Variants in FBXL7 observed in about 807,000 individuals in gnomAD.
The protein encoded by FBXL7 is F-box/LRR-repeat protein 7.
A neutral mutation model predicts 38.3 loss-of-function variants in FBXL7; 12 were observed. The observed-to-expected ratio is 0.31, with a 90% CI of 0.20 to 0.51. FBXL7 has a LOEUF of 0.51. FBXL7 is among the 20% of genes least tolerant of loss of function. The pLI is 0.98. For synonymous variants in FBXL7, 297 were observed against 300.9 expected (o/e 0.99, Z 0.13); for missense variants, 567 against 676.4 (o/e 0.84, Z 1.79).
rs183346928 is a variant in FBXL7 at position 15,703,531 on chromosome 5, G to A, written c.127+87459G>A. ...TGACAGTTATTGCTTCACTTTTTGT[G>A]CATGCATAAAACAACTTGGATCTGA... On this transcript the variant is annotated intron_variant, in intron 2 of 3. Transcript: ENST00000504595. Among the ~76,000 whole-genome samples the A allele has an allele frequency of 7.9e-3, 1,199 of 152,224 alleles. 9 individuals are homozygous for A. The highest frequency in any genetic ancestry group is 0.012 in the Non-Finnish European group (844 of 67,998).
intron 2 of FBXL7, among the ~76,000 whole-genome samples, chr5:15,638,262 G>T (rs759176976): frequency 1.5e-4 from 23 of 152,224 alleles, no homozygotes; most frequent in Non-Finnish European, 2.9e-4. Flanking sequence ...AGACTTTCAC[G>T]TGCAGTGGAG....
chr5:15,843,221 TTCTTC>T (rs560936873), intron 2 of FBXL7, among the ~76,000 whole-genome samples: 322 of 152,318 alleles, frequency 2.1e-3, no homozygotes, highest in African/African-American at 7.4e-3. Flanking sequence ...TCAAAGTGTA[TTCTTC>T]TCTTCTTCTA....
intron 1 of FBXL7, among the ~76,000 whole-genome samples, chr5:15,603,038 G>T (rs572402204): frequency 1.3e-5 from 2 of 151,956 alleles, no homozygotes; most frequent in Admixed American, 1.3e-4. Context: ...ACATGATCTC[G>T]CTATATTGTC....
chr5:15,713,283 A>T (rs6554898), intron 2 of FBXL7, among the ~76,000 whole-genome samples: 83,043 of 151,942 alleles, frequency 0.55, 22,824 homozygotes, highest in East Asian at 0.68. Flanking sequence ...CACCTTATTC[A>T]CTACCACAAG....
At chr5:15,895,095 A>G (rs1006714625) in intron 2 of FBXL7, among the ~76,000 whole-genome samples, 2 of 152,176 alleles carry the variant, frequency 1.3e-5, no homozygotes, top group African/African-American at 2.4e-5. Flanking sequence ...CCTTTGTCCT[A>G]TCTATTCTAC....
chr5:15,880,193 G>A (rs187827131), intron 2 of FBXL7, among the ~76,000 whole-genome samples: 15 of 152,304 alleles, frequency 9.8e-5, no homozygotes, highest in African/African-American at 3.6e-4. Flanking sequence ...TACTGGACTT[G>A]CTCCTGTGTT....
intron 2 of FBXL7, among the ~76,000 whole-genome samples, chr5:15,659,492 G>A (rs1329703862): frequency 6.6e-6 from 1 of 152,178 alleles, no homozygotes. Context: ...CAATTAAAAC[G>A]TGACTATTCA....
At chr5:15,576,318 A>G (rs143203174) in intron 1 of FBXL7, among the ~76,000 whole-genome samples, 12,482 of 151,976 alleles carry the variant, frequency 0.082, 652 homozygotes, top group South Asian at 0.17. Flanking sequence ...TCCTGACCTC[A>G]GGTGATCCAC....
chr5:15,885,945 G>A (rs554180731), intron 2 of FBXL7, among the ~76,000 whole-genome samples: 5 of 151,770 alleles, frequency 3.3e-5, no homozygotes, highest in Admixed American at 6.6e-5. Flanking sequence ...GGTCTTGAAC[G>A]CCTCAGCTCA....
At chr5:15,884,807 G>A (rs1330370508) in intron 2 of FBXL7, among the ~76,000 whole-genome samples, 1 of 152,162 alleles carries the variant, frequency 6.6e-6, no homozygotes, top group East Asian at 1.9e-4. Flanking sequence ...AAAGGGCAAA[G>A]CGGTGGGATA....
intron 1 of FBXL7, among the ~76,000 whole-genome samples, chr5:15,614,614 A>G (rs975524549): frequency 7.9e-5 from 12 of 152,204 alleles, no homozygotes; most frequent in African/African-American, 2.9e-4. Flanking sequence ...CCACACACTT[A>G]GCAGCTTAAC....
intron 2 of FBXL7, among the ~76,000 whole-genome samples, chr5:15,731,895 G>C (rs146998482): frequency 6.6e-6 from 1 of 152,124 alleles, no homozygotes; most frequent in Admixed American, 6.5e-5. Context: ...CATGGATCCT[G>C]AGTGGTGCTG....
intron 2 of FBXL7, among the ~76,000 whole-genome samples, chr5:15,836,884 C>T (rs1416386060): frequency 6.6e-6 from 1 of 152,144 alleles, no homozygotes; most frequent in Admixed American, 6.6e-5. Flanking sequence ...ATAAATTAGC[C>T]ATCAGCTGTG....
chr5:15,869,289 G>T (rs979293668), intron 2 of FBXL7, among the ~76,000 whole-genome samples: 2 of 152,166 alleles, frequency 1.3e-5, no homozygotes, highest in African/African-American at 2.4e-5. Context: ...ACACAAGGGT[G>T]TGAATACCAG....
chr5:15,545,657 A>C (rs1449606657), intron 1 of FBXL7, among the ~76,000 whole-genome samples: 1 of 152,206 alleles, frequency 6.6e-6, no homozygotes, highest in Non-Finnish European at 1.5e-5. Flanking sequence ...TATATCTGGC[A>C]TCATAATAGA....
intron 2 of FBXL7, among the ~76,000 whole-genome samples, chr5:15,802,248 C>T (rs527628321): frequency 6.6e-6 from 1 of 152,230 alleles, no homozygotes; most frequent in Non-Finnish European, 1.5e-5. Flanking sequence ...ATCCACTTTC[C>T]ACCCAGTAGC....
chr5:15,864,236 AACT>A (rs1325256624), intron 2 of FBXL7, among the ~76,000 whole-genome samples: 6 of 148,948 alleles, frequency 4.0e-5, no homozygotes, highest in African/African-American at 1.5e-4. Flanking sequence ...AAATCAAACA[AACT>A]TTTTTTTCAT....
chr5:15,884,554 C>T (rs1370994953), intron 2 of FBXL7, among the ~76,000 whole-genome samples: 1 of 152,130 alleles, frequency 6.6e-6, no homozygotes, highest in Non-Finnish European at 1.5e-5. Flanking sequence ...AATATAGCCA[C>T]ACTGGGAATT....
intron 2 of FBXL7, among the ~76,000 whole-genome samples, chr5:15,882,057 G>A (rs1001815087): frequency 3.3e-5 from 5 of 152,088 alleles, no homozygotes; most frequent in African/African-American, 1.2e-4. Flanking sequence ...AACTTTTAAA[G>A]GACCAGGTCA....
Sources: allele counts gnomAD v4.1 joint callset (sites outside exome capture counted in the v4.1 genomes callset), GRCh38; gene constraint gnomAD v4.1.1; transcripts MANE v1.5; gene names NCBI Gene and HGNC (gene_info 2026-07-23, HGNC 2026-07-21).